The following GABRB3 variants were observed in gnomAD, a reference collection of about 807,000 sequenced individuals.
The protein encoded by GABRB3 is gamma-aminobutyric acid type A receptor subunit beta3.
GABRB3 carries 14 observed loss-of-function variants against 52.1 expected under a neutral mutation model. The ratio of observed to expected loss-of-function variants is 0.27; its 90% confidence interval spans 0.18 to 0.42. The LOEUF is 0.42. Ranked by LOEUF, GABRB3 falls within the 10% of genes least tolerant of loss-of-function variation. The pLI is 1.00. For synonymous variants in GABRB3, 260 were observed against 232.3 expected, an observed-to-expected ratio of 1.12 and a Z score of -1.08; for missense variants, 307 against 609.1, an observed-to-expected ratio of 0.50 and a Z score of 5.22.
At chr15:26,744,657 C>G (rs1890290479) in intron 3 of GABRB3, among the ~76,000 whole-genome samples, 2 of 152,124 alleles carry the variant, frequency 1.3e-5, no homozygotes, top group Non-Finnish European at 2.9e-5. Flanking sequence ...AACTCCTGAC[C>G]TCAGGTGATC....
intron 6 of GABRB3, among the ~76,000 whole-genome samples, chr15:26,571,790 TAAAAG>T (rs1890407875): frequency 6.6e-6 from 1 of 152,094 alleles, no homozygotes; most frequent in South Asian, 2.1e-4. Flanking sequence ...TTCTATTTGT[TAAAAG>T]TAGAATGCCT....
At chr15:26,594,912 TG>T (rs1891341718) in intron 4 of GABRB3, among the ~76,000 whole-genome samples, 1 of 152,242 alleles carries the variant, frequency 6.6e-6, no homozygotes, top group African/African-American at 2.4e-5. Flanking sequence ...TCTCAGTCTT[TG>T]CAGACTGCCT....
chr15:26,589,106 T>A (rs534186123), intron 4 of GABRB3, among the ~76,000 whole-genome samples: 2 of 152,190 alleles, frequency 1.3e-5, no homozygotes, highest in South Asian at 2.1e-4. Flanking sequence ...TGTTGAAGGG[T>A]TTTCATTTTG....
At position 26,547,913 on chromosome 15, in the gene GABRB3, C is replaced by T; in HGVS notation, c.1302G>A (p.Gln434=). 2 of 1,614,144 alleles carry T rather than the reference C, an allele frequency of 1.2e-6. No homozygotes were observed. The highest frequency in any genetic ancestry group is 1.7e-6 in the Non-Finnish European group (2 of 1,180,020). ...TTAGATCAGGTATTTTAATTTTGAGCTGTGAAGACCTCCTCCGTAGATGGG... is the reference window on the plus strand; with the variant it reads ...TTAGATCAGGTATTTTAATTTTGAGTTGTGAAGACCTCCTCCGTAGATGGG... ...KKTHLRRRSS[Q]LKIKIPDLTD... Residue 434 remains glutamine (Q), a synonymous_variant, in exon 9 of 9, where the codon CAG becomes CAA. Coordinates refer to ENST00000311550, the MANE Select transcript of GABRB3 (RefSeq NM_000814.6).
chr15:26,759,823 C>T (rs1268307795), intron 3 of GABRB3, among the ~76,000 whole-genome samples: 1 of 152,108 alleles, frequency 6.6e-6, no homozygotes, highest in Non-Finnish European at 1.5e-5. Flanking sequence ...CAATTTGGAA[C>T]CCAACAACAA....
At chr15:26,620,320 GAGGCTATGTTAAATCATTCACTCT>G (rs1892435895) in intron 4 of GABRB3, among the ~76,000 whole-genome samples, 1 of 152,176 alleles carries the variant, frequency 6.6e-6, no homozygotes, top group African/African-American at 2.4e-5. Flanking sequence ...TGTTCTATTT[GAGGCTATGTTAAATCATTCACTCT>G]ACCCGTCTTG....
chr15:26,773,308 C>T (rs1891213201), upstream of GABRB3, among the ~76,000 whole-genome samples: 2 of 150,580 alleles, frequency 1.3e-5, no homozygotes, highest in Admixed American at 1.3e-4. Context: ...ACTCGGACCT[C>T]TGGGACCGCG....
intron 3 of GABRB3, among the ~76,000 whole-genome samples, chr15:26,707,944 C>T (rs1426224): frequency 0.85 from 129,486 of 152,150 alleles, 57,510 homozygotes; most frequent in East Asian, 1. Flanking sequence ...TTTAGAATAT[C>T]TGCATTATAT....
intron 3 of GABRB3, among the ~76,000 whole-genome samples, chr15:26,714,138 C>G (rs1242109887): frequency 6.6e-6 from 1 of 152,214 alleles, no homozygotes; most frequent in African/African-American, 2.4e-5. Context: ...GTCTGAGCTA[C>G]GACAAATCAC....
chr15:26,561,248 T>C (rs1889974926), intron 7 of GABRB3, 72 bp from the exon 8 acceptor site: 5 of 1,601,550 alleles, frequency 3.1e-6, no homozygotes, highest in South Asian at 2.2e-5. Flanking sequence ...TTTCCTTTTA[T>C]GTTTTCTCAA....
intron 5 of GABRB3, chr15:26,581,225 C>T (rs1890777120): frequency 1.3e-5 from 2 of 153,254 alleles, no homozygotes; most frequent in Admixed American, 1.3e-4. Context: ...AACATTAGGT[C>T]AATTTTGTCA....
At chr15:26,575,738 A>G (rs1328089976) in intron 6 of GABRB3, among the ~76,000 whole-genome samples, 2 of 152,230 alleles carry the variant, frequency 1.3e-5, no homozygotes, top group African/African-American at 4.8e-5. Context: ...ATTTTTGAAA[A>G]AAAGAAAATT....
At chr15:26,744,859 G>A (rs1025657225) in intron 3 of GABRB3, among the ~76,000 whole-genome samples, 12 of 152,058 alleles carry the variant, frequency 7.9e-5, no homozygotes, top group African/African-American at 2.4e-4. Context: ...AAGTGTATAC[G>A]TGTGTGTGTT....
intron 3 of GABRB3, among the ~76,000 whole-genome samples, chr15:26,740,415 C>A (rs1489809122): frequency 1.3e-5 from 2 of 151,960 alleles, no homozygotes; most frequent in African/African-American, 4.8e-5. Context: ...TCAAAGGATA[C>A]CGCCAAGCAG....
At chr15:26,655,553 T>C (rs1887341548) in intron 3 of GABRB3, among the ~76,000 whole-genome samples, 1 of 152,030 alleles carries the variant, frequency 6.6e-6, no homozygotes, top group South Asian at 2.1e-4. Context: ...CCATCCTGGC[T>C]AACACGGTGA....
intron 4 of GABRB3, among the ~76,000 whole-genome samples, chr15:26,599,687 G>A (rs1343482296): frequency 1.3e-5 from 2 of 152,184 alleles, no homozygotes; most frequent in Non-Finnish European, 2.9e-5. Flanking sequence ...AGGCTAGAAG[G>A]CAGAGAGGAT....
chr15:26,617,135 C>T (rs977177530), intron 4 of GABRB3, among the ~76,000 whole-genome samples: 25 of 152,210 alleles, frequency 1.6e-4, no homozygotes, highest in Non-Finnish European at 2.8e-4. Flanking sequence ...GATTCACAGC[C>T]GAATTCTACC....
chr15:26,652,221 C>T (rs1887219795), intron 3 of GABRB3, among the ~76,000 whole-genome samples: 1 of 152,180 alleles, frequency 6.6e-6, no homozygotes, highest in Non-Finnish European at 1.5e-5. Flanking sequence ...ACTTGCAAGC[C>T]CCATGGCTTC....
At chr15:26,629,188 G>A in intron 3 of GABRB3, 4 of 1,464,132 alleles carry the variant, frequency 2.7e-6, no homozygotes, top group Non-Finnish European at 3.6e-6. Context: ...GGAGACGGAG[G>A]GCTTTGCGAA....
Sources: allele counts gnomAD v4.1 joint callset (sites outside exome capture counted in the v4.1 genomes callset), GRCh38; gene constraint gnomAD v4.1.1; transcripts MANE v1.5; gene names NCBI Gene and HGNC (gene_info 2026-07-23, HGNC 2026-07-21).